GAS2: variants seen among roughly 807,000 people sequenced by gnomAD.
GAS2 encodes the protein growth arrest specific 2, also known as growth arrest-specific protein 2.
Under a neutral mutation model 37.5 loss-of-function variants are expected in GAS2, and 20 were observed. The ratio of observed to expected loss-of-function variants is 0.53; its 90% confidence interval spans 0.37 to 0.77. The LOEUF is 0.77. Ranked by LOEUF, GAS2 falls within the 30% of genes least tolerant of loss-of-function variation. The probability of loss-of-function intolerance (pLI) is 0.00; values close to 1 mark genes in which losing one functional copy is unlikely to be tolerated. For missense variants in GAS2, 336 were observed against 373.4 expected (o/e 0.90, Z 0.82); for synonymous variants, 144 against 132.2 (o/e 1.09, Z -0.61).
At chr11:22,775,862 A>G (rs1259461371) in intron 7 of GAS2, among the ~76,000 whole-genome samples, 3 of 152,182 alleles carry the variant, frequency 2.0e-5, no homozygotes, top group Non-Finnish European at 4.4e-5. Flanking sequence ...TTTAGCATAG[A>G]AGAACTGTAA....
At position 22,803,459 on chromosome 11, in the gene GAS2, A is replaced by T. The variant is rs529294768; in HGVS notation, c.724-8339A>T. ...AGTGATATCTTGCCTGTGCTGAATT[A>T]TCACAGATAAGTAACCAAGCATGGG... On this transcript the variant is annotated intron_variant, in intron 7 of 7. Transcript: ENST00000454584. Among the ~76,000 whole-genome samples the T allele has an allele frequency of 3.2e-3, 485 of 152,284 alleles. 1 individual carries two copies. The highest frequency in any genetic ancestry group is 0.011 in the African/African-American group (455 of 41,572).
intron 1 of GAS2, among the ~76,000 whole-genome samples, chr11:22,629,509 T>C (rs1477916825): frequency 6.6e-6 from 1 of 152,180 alleles, no homozygotes; most frequent in African/African-American, 2.4e-5. Context: ...CTGGCTGGGG[T>C]AAGGTGGTAT....
At chr11:22,770,157 G>C (rs1370128805) in intron 7 of GAS2, among the ~76,000 whole-genome samples, 1 of 152,088 alleles carries the variant, frequency 6.6e-6, no homozygotes, top group Non-Finnish European at 1.5e-5. Flanking sequence ...GAGTAGGGGA[G>C]GTGAGGTGAG....
At chr11:22,791,914 G>A (rs1856184059) in intron 7 of GAS2, among the ~76,000 whole-genome samples, 1 of 152,206 alleles carries the variant, frequency 6.6e-6, no homozygotes, top group Non-Finnish European at 1.5e-5. Context: ...TCAATGAGGA[G>A]TGAATATTGG....
rs186756334 is a variant in GAS2, at chr11:22,641,672, T to C, written c.-21+15859T>C. Among the ~76,000 whole-genome samples the C allele has an allele frequency of 3.9e-5, 6 of 152,250 alleles. No homozygotes were observed. The East Asian group carries it at 7.7e-4, about 20-fold the overall frequency. Reference sequence around the variant, plus strand: ...CCATACTTCTGTAAATATTAGGCTATTAAATTGTCTTCCAAATCCCTGCTG... The same window carrying C: ...CCATACTTCTGTAAATATTAGGCTACTAAATTGTCTTCCAAATCCCTGCTG... On this transcript the variant is annotated intron_variant, in intron 1 of 5. Transcript: ENST00000528582.
intron 1 of GAS2, among the ~76,000 whole-genome samples, chr11:22,650,932 T>G (rs1487500531): frequency 5.3e-4 from 80 of 151,820 alleles, no homozygotes; most frequent in Non-Finnish European, 1.0e-3. Context: ...AAAGTTAATA[T>G]TGTTATGTGT....
At chr11:22,676,309 G>A (rs10734315) in intron 2 of GAS2, among the ~76,000 whole-genome samples, 94,997 of 151,926 alleles carry the variant, frequency 0.63, 30,900 homozygotes, top group East Asian at 0.82. Flanking sequence ...TAAACAGATG[G>A]ATTTTTCTCT....
chr11:22,709,596 A>G (rs1851295948), intron 3 of GAS2, among the ~76,000 whole-genome samples: 1 of 152,204 alleles, frequency 6.6e-6, no homozygotes, highest in South Asian at 2.1e-4. Context: ...TGTGGAAGTC[A>G]GTGTGGCGAT....
At chr11:22,694,150 C>T (rs1198882540) in intron 3 of GAS2, among the ~76,000 whole-genome samples, 1 of 152,032 alleles carries the variant, frequency 6.6e-6, no homozygotes, top group Non-Finnish European at 1.5e-5. Flanking sequence ...GCACTTGTAC[C>T]CCTGAACTTA....
intron 1 of GAS2, among the ~76,000 whole-genome samples, chr11:22,651,215 ATTCTT>A (rs1213505004): frequency 1.3e-5 from 2 of 152,122 alleles, no homozygotes; most frequent in Non-Finnish European, 2.9e-5. Context: ...TGGGTTGAAA[ATTCTT>A]TTCTTTAAGA....
chr11:22,737,846 C>T, intron 5 of GAS2, 78 bp downstream of exon 5: 3 of 1,284,668 alleles, frequency 2.3e-6, no homozygotes, highest in Non-Finnish European at 3.4e-6. Context: ...GCTGGCTTTT[C>T]ATTGCTAATG....
chr11:22,760,632 A>G (rs114373265), intron 7 of GAS2, among the ~76,000 whole-genome samples: 1,796 of 152,342 alleles, frequency 0.012, 37 homozygotes, highest in African/African-American at 0.041. Context: ...ACGTCATTGT[A>G]AGTGAAAAAA....
intron 7 of GAS2, among the ~76,000 whole-genome samples, chr11:22,764,262 A>T (rs1005911840): frequency 6.6e-6 from 1 of 152,166 alleles, no homozygotes; most frequent in African/African-American, 2.4e-5. Context: ...CACTTTTTTT[A>T]AAAAAGCAAG....
At chr11:22,739,372 A>G (rs970227513) in intron 5 of GAS2, among the ~76,000 whole-genome samples, 1 of 151,974 alleles carries the variant, frequency 6.6e-6, no homozygotes, top group Non-Finnish European at 1.5e-5. Context: ...CAGGAGATCG[A>G]GACCATCCTG....
At chr11:22,690,071 A>G (rs1227971014) in intron 3 of GAS2, among the ~76,000 whole-genome samples, 1 of 152,118 alleles carries the variant, frequency 6.6e-6, no homozygotes, top group East Asian at 1.9e-4. Flanking sequence ...TTATCTCCTC[A>G]TTTTCATAGC....
At chr11:22,652,954 T>C (rs1176609619) in intron 1 of GAS2, among the ~76,000 whole-genome samples, 1 of 151,998 alleles carries the variant, frequency 6.6e-6, no homozygotes, top group African/African-American at 2.4e-5. Flanking sequence ...CCACAACCTC[T>C]TTCTTTCTTT....
rs562492356 is a variant in GAS2, at chr11:22,646,923, A to T, written c.-21+21110A>T. Among the ~76,000 whole-genome samples, 44 of 128,628 alleles carry T rather than the reference A, an allele frequency of 3.4e-4. No homozygotes were observed. The East Asian group carries it at 7.9e-3, about 23-fold the overall frequency. The allele number at this position is 128,628 out of a possible 152,430, so 84.4% of individuals were successfully genotyped here. On this transcript the variant is annotated intron_variant, in intron 1 of 5. Transcript: ENST00000528582. ...TTTCCTTCTTTCTTTCTTTTTTTTT[A>T]AATTTATTATTATTATACTTTAAGT...
At chr11:22,776,912 C>T (rs1009508782) in intron 7 of GAS2, among the ~76,000 whole-genome samples, 1 of 152,112 alleles carries the variant, frequency 6.6e-6, no homozygotes, top group Non-Finnish European at 1.5e-5. Context: ...AGTTTCTAAA[C>T]TGGCCTCTCA....
chr11:22,718,126 A>G (rs549521232), intron 3 of GAS2, among the ~76,000 whole-genome samples: 2 of 152,264 alleles, frequency 1.3e-5, no homozygotes, highest in Admixed American at 6.5e-5. Context: ...CTGAGTATCT[A>G]CCCAGAAGAA....
Sources: allele counts gnomAD v4.1 joint callset (sites outside exome capture counted in the v4.1 genomes callset), GRCh38; gene constraint gnomAD v4.1.1; transcripts MANE v1.5; gene names NCBI Gene and HGNC (gene_info 2026-07-23, HGNC 2026-07-21).